INO80: variants seen among roughly 807,000 people sequenced by gnomAD.
INO80 encodes INO80 complex ATPase subunit, also known as chromatin-remodeling ATPase INO80.
INO80 carries 20 observed loss-of-function variants against 203.4 expected under a neutral mutation model. The observed-to-expected ratio is 0.10, with a 90% CI of 0.07 to 0.14. The LOEUF (loss-of-function observed/expected upper bound fraction) is 0.14, where lower values mean the gene tolerates loss of function less well. INO80 is among the 10% of genes least tolerant of loss of function. The pLI, the probability that INO80 is intolerant of heterozygous loss-of-function variation, is 1.00. For missense variants in INO80, 1,419 were observed against 1,914.4 expected, an observed-to-expected ratio of 0.74 and a Z score of 4.83; for synonymous variants, 726 against 685.2, an observed-to-expected ratio of 1.06 and a Z score of -0.93.
intron 27 of INO80, among the ~76,000 whole-genome samples, chr15:41,009,771 TA>T (rs1210935377): frequency 1.3e-5 from 2 of 151,914 alleles, no homozygotes; most frequent in Admixed American, 1.3e-4. Flanking sequence ...AATTTAAATT[TA>T]AATTTTTATA....
At chr15:41,094,529 G>C (rs2045691994) in intron 4 of INO80, among the ~76,000 whole-genome samples, 1 of 152,112 alleles carries the variant, frequency 6.6e-6, no homozygotes, top group South Asian at 2.1e-4. Flanking sequence ...AAGCACCACT[G>C]GGCAGGAAAC....
At chr15:41,003,457 G>A (rs1272942374) in intron 28 of INO80, among the ~76,000 whole-genome samples, 5 of 149,470 alleles carry the variant, frequency 3.3e-5, no homozygotes, top group African/African-American at 9.8e-5. Context: ...AGCCTCCCGA[G>A]TAGCTGGGAT....
intron 14 of INO80, among the ~76,000 whole-genome samples, chr15:41,068,142 C>A (rs1179417628): frequency 6.6e-6 from 1 of 152,178 alleles, no homozygotes; most frequent in African/African-American, 2.4e-5. Flanking sequence ...AATGAACTGG[C>A]TGGGTTTGGT....
chr15:41,056,604 A>C lies in INO80; in HGVS notation c.2070+18T>G. On this transcript the variant is annotated intron_variant, in intron 17 of 35. Coordinates refer to ENST00000648947, the MANE Select transcript of INO80 (RefSeq NM_017553.3). ...TGTTTTATGAAGATATAAACCTGTG[A>C]CCTGGACTAGTGCCTACCTCTGCCA... The C allele has an allele frequency of 6.3e-7, 1 of 1,582,180 alleles. No individual in the cohort carries two copies. Among genetic ancestry groups the C allele is most frequent in the Non-Finnish European group, 8.7e-7 (1 of 1,151,178 alleles).
chr15:41,096,236 C>A lies in INO80; in HGVS notation c.75G>T (p.Leu25Phe). 6.2e-7 allele frequency: 1 copy of A among 1,613,240 alleles called. No homozygotes were observed. Among genetic ancestry groups the A allele is most frequent in the South Asian group, 1.1e-5 (1 of 90,926 alleles). ...ELAKPLYLQY[L>F]ERALRLDHFL... ...AATGGTCCAACCGGAGGGCCCTCTC[C>A]AAGTACTGAAGATAGAGGGGCTTTG... is the stretch of plus-strand genomic sequence containing the variant. Residue 25 changes from leucine (L) to phenylalanine (F), a missense_variant, in exon 2 of 36, where the codon TTG (leucine) becomes TTT (phenylalanine). This residue lies in a region of INO80 where 323 missense variants were observed against 325.4 expected (regional missense o/e 0.99). Coordinates refer to ENST00000648947, the MANE Select transcript of INO80 (RefSeq NM_017553.3).
intron 24 of INO80, among the ~76,000 whole-genome samples, chr15:41,042,341 G>T (rs1278063327): frequency 6.6e-6 from 1 of 151,804 alleles, no homozygotes; most frequent in Non-Finnish European, 1.5e-5. Flanking sequence ...TAGTAGATAT[G>T]GGGTCTCACT....
intron 5 of INO80, among the ~76,000 whole-genome samples, chr15:41,089,561 T>C (rs549660742): frequency 2.0e-4 from 31 of 151,988 alleles, no homozygotes; most frequent in African/African-American, 4.3e-4. Context: ...CTGACGAACA[T>C]TGAAAAACCG....
chr15:41,019,988 G>A (rs1281653170), intron 26 of INO80, among the ~76,000 whole-genome samples: 3 of 152,198 alleles, frequency 2.0e-5, no homozygotes, highest in Non-Finnish European at 4.4e-5. Flanking sequence ...TTGGGAGGCT[G>A]AGGCAGGCAG....
At chr15:41,096,765 C>T (rs2045731069) in intron 1 of INO80, among the ~76,000 whole-genome samples, 1 of 152,214 alleles carries the variant, frequency 6.6e-6, no homozygotes, top group South Asian at 2.1e-4. Flanking sequence ...CACTCGTTCT[C>T]AGCATCACCT....
intron 14 of INO80, among the ~76,000 whole-genome samples, chr15:41,064,938 G>T (rs2045182994): frequency 6.6e-6 from 1 of 152,076 alleles, no homozygotes; most frequent in African/African-American, 2.4e-5. Context: ...GGCAGAGGTT[G>T]CAGTGAGCCA....
At chr15:40,989,042 G>A (rs1393779654) in intron 29 of INO80, among the ~76,000 whole-genome samples, 2 of 151,728 alleles carry the variant, frequency 1.3e-5, no homozygotes, top group East Asian at 1.9e-4. Context: ...AGCCAGGTGT[G>A]GTGGCAGGCA....
chr15:41,047,519 A>T lies in INO80; in HGVS notation c.2642-18T>A. ...ATTAATACCTGAAATATAAAAGACA[A>T]TTTGAAACCCAACAGCAAACCAAGA... On this transcript the variant is annotated intron_variant, in intron 22 of 35. Transcript: ENST00000648947. 6.5e-7 allele frequency: 1 copy of T among 1,538,060 alleles called. No homozygotes were observed. Among genetic ancestry groups the T allele is most frequent in the South Asian group, 1.1e-5 (1 of 88,540 alleles).
Position 41,049,328 on chromosome 15 carries a change from G to A in INO80, c.2535C>T (p.Tyr845=). The A allele has an allele frequency of 6.2e-7, 1 of 1,613,768 alleles. No individual in the cohort carries two copies. ...TGAAGACCCTGATCTGTCCATGACGGTAGATAAACTTTGAAATGTGGTATG... is the reference window on the plus strand; with the variant it reads ...TGAAGACCCTGATCTGTCCATGACGATAGATAAACTTTGAAATGTGGTATG... ...LKPYHISKFI[Y]RHGQIRVFNH... The change falls in exon 21 of 36, where the codon TAC becomes TAT. Residue 845 remains tyrosine, a synonymous_variant. Coordinates refer to ENST00000648947, the MANE Select transcript of INO80 (RefSeq NM_017553.3).
intron 1 of INO80, among the ~76,000 whole-genome samples, chr15:41,115,715 G>T (rs2046023900): frequency 6.6e-6 from 1 of 152,156 alleles, no homozygotes; most frequent in African/African-American, 2.4e-5. Flanking sequence ...GCGCCCCACG[G>T]GCTTCCTCAG....
chr15:41,029,892 G>A (rs979337457), intron 24 of INO80, among the ~76,000 whole-genome samples: 3 of 152,208 alleles, frequency 2.0e-5, no homozygotes, highest in Non-Finnish European at 4.4e-5. Flanking sequence ...GGGGAGGAGA[G>A]ATGACAAGTC....
chr15:41,024,560 GCGCGTC>G (rs2044347184), intron 25 of INO80: 1 of 152,238 alleles, frequency 6.6e-6, no homozygotes. Flanking sequence ...TAAGCGTTCA[GCGCGTC>G]CTTCCTGAGG....
intron 28 of INO80, among the ~76,000 whole-genome samples, chr15:41,005,096 G>A (rs767508313): frequency 1.2e-4 from 18 of 150,576 alleles, no homozygotes; most frequent in African/African-American, 3.7e-4. Context: ...TTGGGAGGCC[G>A]AGGCACAAGA....
chr15:41,040,946 C>T (rs374301104), intron 24 of INO80, among the ~76,000 whole-genome samples: 1 of 152,050 alleles, frequency 6.6e-6, no homozygotes, highest in African/African-American at 2.4e-5. Flanking sequence ...GGCAATTATC[C>T]AAATGGCCAA....
chr15:40,987,371 C>T lies in INO80; in HGVS notation c.3730-178G>A, dbSNP rs775856762. The stretch of plus-strand genomic sequence containing the variant: ...GATTGGCTCATCCAGATTATTTGTC[C>T]GACAGAAGGAAAATGATAACTTCTT... On this transcript the variant is annotated intron_variant, in intron 30 of 35. Coordinates refer to ENST00000648947, the MANE Select transcript of INO80 (RefSeq NM_017553.3). 7.9e-5 allele frequency among the ~76,000 whole-genome samples: 12 copies of T among 152,158 alleles called. 1 individual carries two copies. Among genetic ancestry groups the T allele is most frequent in the East Asian group, 5.8e-4 (3 of 5,184 alleles).
Sources: gnomAD v4.1 joint callset for allele counts (sites outside exome capture counted in the v4.1 genomes callset) on GRCh38, gnomAD v4.1.1 for gene constraint, gnomAD v4.1.1 regional missense constraint, MANE v1.5 for transcripts, NCBI Gene and HGNC (gene_info 2026-07-23, HGNC 2026-07-21) for gene names.